The following ENG variants were observed in gnomAD, a reference collection of about 807,000 sequenced individuals.
The protein encoded by ENG is endoglin, also known as CD105 antigen.
A neutral mutation model predicts 71.0 loss-of-function variants in ENG; 17 were observed. That is an observed-to-expected ratio of 0.24 (90% confidence interval 0.16 to 0.36). The LOEUF is 0.36. Among genes scored for constraint, ENG ranks in the 10% least tolerant of loss-of-function variants. The pLI is 1.00. For missense variants in ENG, 749 were observed against 868.3 expected, an observed-to-expected ratio of 0.86 and a Z score of 1.73; for synonymous variants, 360 against 366.9, an observed-to-expected ratio of 0.98 and a Z score of 0.21.
At chr9:127,852,179 T>C (rs1262649373) in intron 1 of ENG, among the ~76,000 whole-genome samples, 4 of 152,180 alleles carry the variant, frequency 2.6e-5, no homozygotes, top group African/African-American at 9.7e-5. Flanking sequence ...TTTCCAGTTA[T>C]CGGGTTTTTG....
chr9:127,847,752 C>A (rs1831202043), intron 1 of ENG, among the ~76,000 whole-genome samples: 1 of 152,144 alleles, frequency 6.6e-6, no homozygotes, highest in Admixed American at 6.6e-5. Context: ...GCTGCAATGC[C>A]TGCCCCGTCT....
At chr9:127,822,840 GT>G (rs1830499174) in intron 8 of ENG, among the ~76,000 whole-genome samples, 1 of 152,100 alleles carries the variant, frequency 6.6e-6, no homozygotes, top group Admixed American at 6.6e-5. Context: ...TTTAAAGCAT[GT>G]TTTTTGTTTG....
chr9:127,839,953 T>G (rs992260852), intron 2 of ENG, among the ~76,000 whole-genome samples: 2 of 152,216 alleles, frequency 1.3e-5, no homozygotes, highest in Admixed American at 6.5e-5. Flanking sequence ...AAAATGGGGA[T>G]GTTCACAGAG....
In ENG at chr9:127,824,619, A is replaced by G. The variant is rs182774601; in HGVS notation, c.992-173T>C. Among the ~76,000 whole-genome samples the G allele has an allele frequency of 9.3e-5, 14 of 149,818 alleles. No homozygotes were observed. In the East Asian group the frequency reaches 2.6e-3, roughly 28 times the overall value. On this transcript the variant is annotated intron_variant, in intron 7 of 14. Coordinates refer to ENST00000373203, the MANE Select transcript of ENG (RefSeq NM_001114753.3). ...CTGCAACCTCCATCTCCCAGGTTCA[A>G]GCGATTCTCAGGCTCTTCTATGATT...
chr9:127,853,813 C>T (rs73669430), intron 1 of ENG, among the ~76,000 whole-genome samples: 1,550 of 152,356 alleles, frequency 0.01, 24 homozygotes, highest in African/African-American at 0.034. Flanking sequence ...GTTCTCTTCC[C>T]CACTTCGCTC....
chr9:127,824,772 A>ACGGG (rs1830561005), intron 7 of ENG, 28 bp downstream of exon 7: 2 of 1,188,452 alleles, frequency 1.7e-6, no homozygotes, highest in African/African-American at 2.0e-5. Context: ...AGGGGAAGGG[A>ACGGG]AGGGAGGGGC....
chr9:127,825,576 C>G, intron 5 of ENG, 119 bp downstream of exon 5: 1 of 1,099,810 alleles, frequency 9.1e-7, no homozygotes, highest in Non-Finnish European at 1.2e-6. Flanking sequence ...AGGGCTGCGG[C>G]GGGGCTGGGG....
intron 8 of ENG, among the ~76,000 whole-genome samples, chr9:127,822,040 A>G (rs1830480169): frequency 6.6e-6 from 1 of 152,118 alleles, no homozygotes; most frequent in Admixed American, 6.6e-5. Flanking sequence ...ACAGAGCAAG[A>G]CTGTCTCAAA....
At position 127,844,806 on chromosome 9, in the gene ENG, G is replaced by C. The variant is rs905054149; in HGVS notation, c.68-1561C>G. Among the ~76,000 whole-genome samples, 9 of 152,192 alleles carry C rather than the reference G, an allele frequency of 5.9e-5. 1 individual carries two copies. The highest frequency in any genetic ancestry group is 5.9e-4 in the Admixed American group (9 of 15,274). ...TGAACCCAAGTCTCCCTCCAGGTAAGGCAGGAGCTGAGCTCAGGAGACAAA... is the reference window on the plus strand; with the variant it reads ...TGAACCCAAGTCTCCCTCCAGGTAACGCAGGAGCTGAGCTCAGGAGACAAA... On this transcript the variant is annotated intron_variant, in intron 1 of 14. Coordinates refer to ENST00000373203, the MANE Select transcript of ENG (RefSeq NM_001114753.3).
At chr9:127,830,159 T>C (rs1420909061) in intron 2 of ENG, among the ~76,000 whole-genome samples, 1 of 151,500 alleles carries the variant, frequency 6.6e-6, no homozygotes, top group Non-Finnish European at 1.5e-5. Context: ...CTGACCAACA[T>C]GGTGAAACCC....
chr9:127,817,224 A>T, intron 12 of ENG, 21 bp from the exon 13 acceptor site: 1 of 1,613,982 alleles, frequency 6.2e-7, no homozygotes, highest in Non-Finnish European at 8.5e-7. Flanking sequence ...AAGAGAGAGC[A>T]GTATGTGGCA....
At position 127,818,812 on chromosome 9, in the gene ENG, G is replaced by T; in HGVS notation, c.1332C>A (p.Asn444Lys). 3 of 1,614,090 alleles carry T rather than the reference G, an allele frequency of 1.9e-6. No homozygotes were observed. Among genetic ancestry groups the T allele is most frequent in the Non-Finnish European group, 2.5e-6 (3 of 1,179,974 alleles). ...CCAGCTGGAAAGAGAGGCTGTCCATGTTGAGGCAGTGCACCTTTTTCTGGG... is the reference window on the plus strand; with the variant it reads ...CCAGCTGGAAAGAGAGGCTGTCCATTTTGAGGCAGTGCACCTTTTTCTGGG... ...SPQRKKVHCL[N>K]MDSLSFQLGL... The change falls in exon 11 of 15, where the codon AAC (asparagine) becomes AAA (lysine). Residue 444 changes from asparagine to lysine, a missense_variant. Asn to Lys is a moderately conservative substitution (Grantham distance 94). Coordinates refer to ENST00000373203, the MANE Select transcript of ENG (RefSeq NM_001114753.3).
intron 1 of ENG, among the ~76,000 whole-genome samples, chr9:127,853,898 C>T (rs915714434): frequency 2.6e-5 from 4 of 152,234 alleles, no homozygotes; most frequent in African/African-American, 9.6e-5. Flanking sequence ...AGAGACGGTG[C>T]TCAGAGCCCA....
intron 1 of ENG, among the ~76,000 whole-genome samples, chr9:127,850,304 G>T (rs567714119): frequency 6.6e-6 from 1 of 152,254 alleles, no homozygotes; most frequent in Admixed American, 6.5e-5. Context: ...AGGAGGAGCT[G>T]GCATTATGCC....
chr9:127,834,622 C>T (rs1373570540), intron 2 of ENG, among the ~76,000 whole-genome samples: 1 of 151,884 alleles, frequency 6.6e-6, no homozygotes, highest in Non-Finnish European at 1.5e-5. Context: ...CCAGGCTGGT[C>T]TCGAACTCCT....
At chr9:127,828,428 G>C (rs1482193774) in intron 3 of ENG, among the ~76,000 whole-genome samples, 2 of 152,178 alleles carry the variant, frequency 1.3e-5, no homozygotes, top group Non-Finnish European at 2.9e-5. Flanking sequence ...CTGGCCACCG[G>C]CCCCAGGGAG....
At chr9:127,818,884 G>A in intron 10 of ENG, 52 bp from the exon 11 acceptor site, 1 of 1,545,226 alleles carries the variant, frequency 6.5e-7, no homozygotes, top group Non-Finnish European at 8.9e-7. Flanking sequence ...CCAGCCAGGA[G>A]GGCGAGGGGT....
intron 2 of ENG, among the ~76,000 whole-genome samples, chr9:127,834,595 G>A (rs1419813320): frequency 6.6e-6 from 1 of 151,944 alleles, no homozygotes; most frequent in East Asian, 1.9e-4. Flanking sequence ...AGTAGAGATG[G>A]GGTTTCACCA....
intron 2 of ENG, among the ~76,000 whole-genome samples, chr9:127,831,303 G>A (rs1830758657): frequency 6.6e-6 from 1 of 151,580 alleles, no homozygotes; most frequent in African/African-American, 2.4e-5. Context: ...TGGAACTGCA[G>A]GTGCCCACCA....
Sources: allele counts gnomAD v4.1 joint callset (sites outside exome capture counted in the v4.1 genomes callset), GRCh38; gene constraint gnomAD v4.1.1; transcripts MANE v1.5; gene names NCBI Gene and HGNC (gene_info 2026-07-23, HGNC 2026-07-21).